The following IL7 variants were observed in gnomAD, a reference collection of about 807,000 sequenced individuals.
IL7 encodes the protein interleukin-7.
Under a neutral mutation model 21.6 loss-of-function variants are expected in IL7, and 3 were observed. The observed-to-expected ratio is 0.14, with a 90% confidence interval of 0.06 to 0.36. IL7 has a LOEUF of 0.36. IL7 is among the 10% of genes least tolerant of loss of function. The pLI, the probability that IL7 is intolerant of heterozygous loss-of-function variation, is 1.00. For synonymous variants in IL7, 62 were observed against 68.1 expected (o/e 0.91, Z 0.44); for missense variants, 175 against 200.2 (o/e 0.87, Z 0.76).
intron 3 of IL7, among the ~76,000 whole-genome samples, chr8:78,694,283 CTTG>C (rs1305313369): frequency 3.7e-5 from 3 of 80,256 alleles, no homozygotes; most frequent in African/African-American, 1.0e-4. Flanking sequence ...GGATATGTTC[CTTG>C]TTTTTTTTTT....
intron 2 of IL7, chr8:78,746,902 TG>T: frequency 2.7e-6 from 1 of 370,702 alleles, no homozygotes; most frequent in South Asian, 2.1e-5. Flanking sequence ...ACCCAATTTC[TG>T]TATTCTTTGT....
intron 2 of IL7, among the ~76,000 whole-genome samples, chr8:78,790,839 T>C (rs1813664214): frequency 6.6e-6 from 1 of 151,962 alleles, no homozygotes; most frequent in South Asian, 2.1e-4. Flanking sequence ...AAAAATCCCA[T>C]GTTCATGGAC....
chr8:78,709,069 A>G (rs540895856), intron 3 of IL7, among the ~76,000 whole-genome samples: 1 of 152,346 alleles, frequency 6.6e-6, no homozygotes, highest in East Asian at 1.9e-4. Flanking sequence ...GAGTTTACAC[A>G]GTTGTACCTT....
chr8:78,756,139 T>C (rs1812338904), intron 2 of IL7, among the ~76,000 whole-genome samples: 1 of 152,076 alleles, frequency 6.6e-6, no homozygotes, highest in Non-Finnish European at 1.5e-5. Context: ...CATTTATTGA[T>C]TTGTGTATGT....
chr8:78,686,658 A>T (rs1011980050), intron 3 of IL7: 1 of 1,405,022 alleles, frequency 7.1e-7, no homozygotes, highest in African/African-American at 1.5e-5. Context: ...GAAAATAATG[A>T]TAGAGTTTTT....
At chr8:78,747,259 C>T (rs1477077539) in intron 2 of IL7, among the ~76,000 whole-genome samples, 3 of 139,820 alleles carry the variant, frequency 2.1e-5, no homozygotes, top group African/African-American at 8.3e-5. Flanking sequence ...GGTCTCGGCT[C>T]ACTGCAACCT....
rs35466249 is a variant in IL7, at chr8:78,762,652, A to ATT, written c.148-22572_148-22571dup. ...AAGACATGAATTGCCTTCCCAATGC[A>ATT]TTTTTTTTTTTCTATTGTGTCCTCT... is the stretch of plus-strand genomic sequence containing the variant. On this transcript the variant is annotated intron_variant, in intron 2 of 5. Transcript: ENST00000263851. Among the ~76,000 whole-genome samples, 1,362 of 146,080 alleles carry ATT rather than the reference A, an allele frequency of 9.3e-3. 10 individuals carry two copies. The highest frequency in any genetic ancestry group is 0.011 in the Non-Finnish European group (747 of 65,840).
intron 1 of IL7, 104 bp downstream of exon 1, chr8:78,804,809 G>A (rs1586125849): frequency 3.0e-6 from 4 of 1,341,198 alleles, no homozygotes; most frequent in South Asian, 2.5e-5. Context: ...GTGCAAGGCC[G>A]GGCTATTCCC....
At chr8:78,802,075 A>C (rs1030345244) in intron 1 of IL7, among the ~76,000 whole-genome samples, 5 of 152,218 alleles carry the variant, frequency 3.3e-5, no homozygotes, top group Middle Eastern at 3.2e-3. Flanking sequence ...GAAGAGGCTG[A>C]AATTGGAGAA....
intron 3 of IL7, among the ~76,000 whole-genome samples, chr8:78,711,304 T>C (rs1810942401): frequency 1.3e-5 from 2 of 152,108 alleles, no homozygotes. Context: ...AACAGTGAAA[T>C]ATCCTACAAA....
At chr8:78,715,279 G>A, downstream of IL7, 1 of 1,613,802 alleles carries the variant, frequency 6.2e-7, no homozygotes. Context: ...TCCTGCCCCA[G>A]GTGTGCTTAC....
At chr8:78,698,329 T>A in intron 3 of IL7, 1 of 1,121,830 alleles carries the variant, frequency 8.9e-7, no homozygotes, top group South Asian at 1.7e-5. Context: ...AGATTATTAC[T>A]AAAGCATTGT....
chr8:78,731,524 T>G, downstream of IL7, among the ~76,000 whole-genome samples: 1 of 151,978 alleles, frequency 6.6e-6, no homozygotes, highest in East Asian at 1.9e-4. Flanking sequence ...AATAAGTATC[T>G]TCCCTCCTTA....
intron 3 of IL7, among the ~76,000 whole-genome samples, chr8:78,698,991 C>CT (rs1042390141): frequency 1.3e-5 from 2 of 152,112 alleles, no homozygotes; most frequent in African/African-American, 4.8e-5. Flanking sequence ...ACACTGGACT[C>CT]TTTTCACGTT....
intron 2 of IL7, among the ~76,000 whole-genome samples, chr8:78,741,302 A>G (rs948447683): frequency 6.6e-6 from 1 of 152,218 alleles, no homozygotes; most frequent in African/African-American, 2.4e-5. Context: ...TCACATTGCC[A>G]TTGTACATAT....
intron 2 of IL7, among the ~76,000 whole-genome samples, chr8:78,764,663 G>C (rs1000714487): frequency 6.6e-6 from 1 of 151,872 alleles, no homozygotes; most frequent in Non-Finnish European, 1.5e-5. Context: ...ACAAAACTCT[G>C]ATAAATAATA....
chr8:78,801,311 C>A (rs1433542056), intron 1 of IL7, among the ~76,000 whole-genome samples: 3 of 152,194 alleles, frequency 2.0e-5, no homozygotes, highest in African/African-American at 7.2e-5. Context: ...ACTCTTTACC[C>A]TTTGTCTATG....
At chr8:78,772,823 T>C (rs1386383984) in intron 2 of IL7, among the ~76,000 whole-genome samples, 1 of 152,222 alleles carries the variant, frequency 6.6e-6, no homozygotes, top group Middle Eastern at 3.4e-3. Context: ...TCAGTGAGTG[T>C]CGATGGTCAT....
intron 2 of IL7, among the ~76,000 whole-genome samples, chr8:78,774,300 G>C (rs1813060200): frequency 6.6e-6 from 1 of 152,008 alleles, no homozygotes; most frequent in Admixed American, 6.6e-5. Context: ...AGGAAAAAAA[G>C]TACCTGGAAT....
Sources: gnomAD v4.1 joint callset for allele counts (sites outside exome capture counted in the v4.1 genomes callset) on GRCh38, gnomAD v4.1.1 for gene constraint, MANE v1.5 for transcripts, NCBI Gene and HGNC (gene_info 2026-07-23, HGNC 2026-07-21) for gene names.